WDPCP: variants seen among roughly 807,000 people sequenced by gnomAD.
WDPCP encodes the protein WD repeat containing planar cell polarity effector.
In WDPCP, 71 loss-of-function variants were observed where a neutral mutation model predicts 93.1. That is an observed-to-expected ratio of 0.76 (90% CI 0.63 to 0.93). The LOEUF (loss-of-function observed/expected upper bound fraction) is 0.93. WDPCP is among the 40% of genes least tolerant of loss of function. WDPCP has a pLI of 0.00. For synonymous variants in WDPCP, 315 were observed against 315.0 expected, an observed-to-expected ratio of 1.00 and a Z score of 0.00; for missense variants, 844 against 887.4, an observed-to-expected ratio of 0.95 and a Z score of 0.62.
At chr2:63,769,184 GA>G (rs1298672294) in intron 2 of WDPCP, among the ~76,000 whole-genome samples, 2 of 151,812 alleles carry the variant, frequency 1.3e-5, no homozygotes, top group African/African-American at 4.8e-5. Context: ...GGTTGTTGGG[GA>G]AAAAAATGAA....
At chr2:63,588,938 C>T (rs1406851243), upstream of WDPCP, 7 of 1,540,820 alleles carry the variant, frequency 4.5e-6, no homozygotes, top group East Asian at 4.5e-5. Flanking sequence ...GGAGCCTTTT[C>T]TCGCTAACAC....
At chr2:63,442,307 G>A (rs1697551757) in intron 6 of WDPCP, 1 of 152,100 alleles carries the variant, frequency 6.6e-6, no homozygotes, top group South Asian at 2.1e-4. Context: ...ATAGGATGAG[G>A]ATTAAATAAC....
intron 13 of WDPCP, among the ~76,000 whole-genome samples, chr2:63,303,793 A>G (rs902417919): frequency 2.6e-5 from 4 of 152,208 alleles, no homozygotes; most frequent in Non-Finnish European, 5.9e-5. Flanking sequence ...AAGAGAAAAG[A>G]ACAAACAATC....
At chr2:63,809,949 T>A (rs1312335014) in intron 2 of WDPCP, among the ~76,000 whole-genome samples, 2 of 151,776 alleles carry the variant, frequency 1.3e-5, no homozygotes, top group Non-Finnish European at 2.9e-5. Flanking sequence ...AAAAAAAAAA[T>A]TAATTCCTTC....
intron 14 of WDPCP, among the ~76,000 whole-genome samples, chr2:63,210,372 T>C (rs1277019327): frequency 1.3e-5 from 2 of 152,232 alleles, no homozygotes; most frequent in African/African-American, 2.4e-5. Context: ...TAAAACTTCT[T>C]TGGTGTAATT....
chr2:63,199,372 T>G (rs368073866), intron 14 of WDPCP, among the ~76,000 whole-genome samples: 1 of 152,180 alleles, frequency 6.6e-6, no homozygotes, highest in East Asian at 1.9e-4. Flanking sequence ...GCCCCTCCTA[T>G]CACAAGCCTG....
At chr2:63,321,208 A>G (rs1687053715) in intron 12 of WDPCP, among the ~76,000 whole-genome samples, 1 of 152,156 alleles carries the variant, frequency 6.6e-6, no homozygotes, top group East Asian at 1.9e-4. Flanking sequence ...CTCAATCAGC[A>G]AGATAAACAA....
intron 9 of WDPCP, among the ~76,000 whole-genome samples, chr2:63,428,943 T>G (rs1696521154): frequency 6.6e-6 from 1 of 152,120 alleles, no homozygotes; most frequent in South Asian, 2.1e-4. Flanking sequence ...GGAAGAATCA[T>G]TCTTGTTAAA....
At chr2:63,567,014 G>C (rs1303431243) in intron 1 of WDPCP, among the ~76,000 whole-genome samples, 3 of 152,154 alleles carry the variant, frequency 2.0e-5, no homozygotes, top group Non-Finnish European at 4.4e-5. Context: ...TGAGGTCGGG[G>C]GTGGTGTGGT....
intron 1 of WDPCP, among the ~76,000 whole-genome samples, chr2:63,529,788 G>GT (rs1703674646): frequency 6.6e-6 from 1 of 152,146 alleles, no homozygotes; most frequent in South Asian, 2.1e-4. Flanking sequence ...GCTCCTCCTT[G>GT]TATCTCTCAT....
intron 13 of WDPCP, among the ~76,000 whole-genome samples, chr2:63,312,496 A>C (rs1028292404): frequency 6.6e-6 from 1 of 152,238 alleles, no homozygotes; most frequent in African/African-American, 2.4e-5. Context: ...GATTCAGGCA[A>C]AAGCACCTTC....
intron 9 of WDPCP, among the ~76,000 whole-genome samples, chr2:63,414,674 T>G (rs1369991199): frequency 6.6e-6 from 1 of 152,060 alleles, no homozygotes; most frequent in Non-Finnish European, 1.5e-5. Flanking sequence ...GGAGCTAAGT[T>G]ATAAAGATGC....
At chr2:63,226,259 G>A (rs1263223341) in intron 14 of WDPCP, among the ~76,000 whole-genome samples, 2 of 151,838 alleles carry the variant, frequency 1.3e-5, no homozygotes, top group Admixed American at 6.6e-5. Context: ...GTGTCTGCTG[G>A]AAGGGACTCT....
chr2:63,376,676 A>T (rs1691879109), intron 12 of WDPCP, among the ~76,000 whole-genome samples: 1 of 151,894 alleles, frequency 6.6e-6, no homozygotes, highest in South Asian at 2.1e-4. Context: ...ACAAAGCTCT[A>T]AGTCCAAATA....
At chr2:63,185,920 C>A (rs1438971835) in intron 14 of WDPCP, among the ~76,000 whole-genome samples, 1 of 146,296 alleles carries the variant, frequency 6.8e-6, no homozygotes, top group Non-Finnish European at 1.5e-5. Context: ...CCTCCCGGCC[C>A]CCCCACCTCC....
rs532449234 is a variant in WDPCP at position 63,418,441 on chromosome 2, T to G, written c.826-13784A>C. Among the ~76,000 whole-genome samples the G allele has an allele frequency of 7.9e-5, 12 of 152,320 alleles. No homozygotes were observed. In the South Asian group the frequency reaches 2.3e-3, roughly 29 times the overall value. ...TGACATTAGTGTAATCTATCAAGAT[T>G]AATTTGAAGTCTACTCCCATCTTCC... On this transcript the variant is annotated intron_variant, in intron 9 of 17. Coordinates refer to ENST00000272321, the MANE Select transcript of WDPCP (RefSeq NM_015910.7).
chr2:63,205,431 A>G (rs1676266795), intron 14 of WDPCP, among the ~76,000 whole-genome samples: 1 of 152,102 alleles, frequency 6.6e-6, no homozygotes, highest in South Asian at 2.1e-4. Flanking sequence ...TGGACATTTT[A>G]TCAATATTGA....
At chr2:63,206,748 T>C (rs973590559) in intron 14 of WDPCP, among the ~76,000 whole-genome samples, 2 of 152,310 alleles carry the variant, frequency 1.3e-5, no homozygotes, top group Admixed American at 1.3e-4. Flanking sequence ...TATTTTTATT[T>C]GTTTTGGGTT....
At chr2:63,184,297 CTG>C (rs1674467161) in intron 14 of WDPCP, among the ~76,000 whole-genome samples, 1 of 151,790 alleles carries the variant, frequency 6.6e-6, no homozygotes, top group African/African-American at 2.4e-5. Context: ...GTGTAACTAA[CTG>C]TTTTTATAAG....
Sources: allele counts gnomAD v4.1 joint callset (sites outside exome capture counted in the v4.1 genomes callset), GRCh38; gene constraint gnomAD v4.1.1; transcripts MANE v1.5; gene names NCBI Gene and HGNC (gene_info 2026-07-23, HGNC 2026-07-21).